The following RIC8B variants were observed in gnomAD, a reference collection of about 807,000 sequenced individuals.
RIC8B encodes RIC8 guanine nucleotide exchange factor B.
RIC8B carries 16 observed loss-of-function variants against 57.5 expected under a neutral mutation model. The observed-to-expected ratio is 0.28, with a 90% CI of 0.19 to 0.42. The LOEUF is 0.42. Ranked by LOEUF, RIC8B falls within the 10% of genes least tolerant of loss-of-function variation. RIC8B has a pLI of 1.00. For missense variants in RIC8B, 481 were observed against 677.0 expected (o/e 0.71, Z 3.21); for synonymous variants, 216 against 250.8 (o/e 0.86, Z 1.31).
chr12:106,831,547 G>A (rs1339392612), intron 4 of RIC8B, among the ~76,000 whole-genome samples: 1 of 152,130 alleles, frequency 6.6e-6, no homozygotes, highest in African/African-American at 2.4e-5. Flanking sequence ...GGGGTGGCCT[G>A]GCAACATGGT....
At chr12:106,795,867 G>A (rs924870128) in intron 2 of RIC8B, among the ~76,000 whole-genome samples, 1 of 152,114 alleles carries the variant, frequency 6.6e-6, no homozygotes, top group Non-Finnish European at 1.5e-5. Flanking sequence ...GAATGTTTCT[G>A]TATCTCACTG....
intron 1 of RIC8B, among the ~76,000 whole-genome samples, chr12:106,783,791 C>A (rs1301597019): frequency 6.6e-6 from 1 of 152,140 alleles, no homozygotes; most frequent in Non-Finnish European, 1.5e-5. Flanking sequence ...TTGCTGTGCT[C>A]CTTTGTATAT....
At position 106,875,845 on chromosome 12, in the gene RIC8B, A is replaced by G. The variant is rs191660474; in HGVS notation, c.1571+4903A>G. Reference sequence around the variant, plus strand: ...GGAACATGACTTTTATAATAAATGCAGGCACCAGATATAGGATTAGTTCCC... The same window carrying G: ...GGAACATGACTTTTATAATAAATGCGGGCACCAGATATAGGATTAGTTCCC... On this transcript the variant is annotated intron_variant, in intron 9 of 9. Coordinates refer to ENST00000392837, the MANE Select transcript of RIC8B (RefSeq NM_001330145.2). Among the ~76,000 whole-genome samples, 549 of 152,278 alleles carry G rather than the reference A, an allele frequency of 3.6e-3. 4 individuals are homozygous for G. The highest frequency in any genetic ancestry group is 5.8e-3 in the Non-Finnish European group (396 of 68,012).
At chr12:106,859,906 C>T (rs1027676462) in intron 7 of RIC8B, among the ~76,000 whole-genome samples, 7 of 152,132 alleles carry the variant, frequency 4.6e-5, no homozygotes, top group African/African-American at 1.4e-4. Context: ...GACTTTCACT[C>T]TCTCTAGTTT....
chr12:106,842,858 A>G (rs1275119231), intron 5 of RIC8B, 41 bp downstream of exon 5: 3 of 1,269,424 alleles, frequency 2.4e-6, no homozygotes, highest in African/African-American at 1.5e-5. Flanking sequence ...GATGCTTCCA[A>G]AGAATGTAAA....
chr12:106,813,080 A>G (rs778890812), intron 2 of RIC8B, among the ~76,000 whole-genome samples: 6 of 152,192 alleles, frequency 3.9e-5, no homozygotes, highest in Admixed American at 2.0e-4. Flanking sequence ...TCCTTAAATA[A>G]TAAAACGATT....
intron 1 of RIC8B, among the ~76,000 whole-genome samples, chr12:106,778,061 G>A (rs1246460603): frequency 6.6e-6 from 1 of 152,184 alleles, no homozygotes; most frequent in Non-Finnish European, 1.5e-5. Flanking sequence ...AGTTACATGT[G>A]TAAAGCACAC....
intron 2 of RIC8B, among the ~76,000 whole-genome samples, chr12:106,795,912 G>A (rs900031231): frequency 2.0e-5 from 3 of 152,074 alleles, no homozygotes; most frequent in Non-Finnish European, 2.9e-5. Context: ...TTCTAATAAG[G>A]TATATATGCT....
intron 2 of RIC8B, among the ~76,000 whole-genome samples, chr12:106,802,534 ATTTTTT>A (rs34706345): frequency 3.9e-5 from 4 of 102,160 alleles, no homozygotes; most frequent in Non-Finnish European, 5.8e-5. Flanking sequence ...CAATATGAGA[ATTTTTT>A]TTTTTTTTTT....
At chr12:106,821,255 G>A (rs1440702556) in intron 3 of RIC8B, among the ~76,000 whole-genome samples, 1 of 152,180 alleles carries the variant, frequency 6.6e-6, no homozygotes, top group Non-Finnish European at 1.5e-5. Flanking sequence ...TTTAAGCTTT[G>A]TTAAGACTTC....
Position 106,879,159 on chromosome 12 carries a change from G to C in RIC8B, c.1572-6745G>C. 1 of 985,836 alleles carries C rather than the reference G, an allele frequency of 1.0e-6. No individual in the cohort carries two copies. The highest frequency in any genetic ancestry group is 1.2e-6 in the Non-Finnish European group (1 of 829,918). 61.1% of individuals were successfully genotyped at this position (985,836 alleles called of 1,614,324 possible). A position where few individuals can be genotyped will look rare whatever the true frequency, so the allele number is the denominator to read the frequency against. On this transcript the variant is annotated intron_variant, in intron 9 of 9. Coordinates refer to ENST00000392837, the MANE Select transcript of RIC8B (RefSeq NM_001330145.2). The surrounding 1 kb of genome is among the most constrained non-coding windows in gnomAD (Gnocchi z 4.9). ...GAAGGGACTCTTGGGAGATCTGCAA[G>C]TGGGAAACAAGAATGCATTTTACCA...
At chr12:106,780,173 C>A (rs902418397) in intron 1 of RIC8B, among the ~76,000 whole-genome samples, 4 of 152,070 alleles carry the variant, frequency 2.6e-5, no homozygotes, top group African/African-American at 9.7e-5. Context: ...TAATAGGGCC[C>A]AACCCCCTCG....
At chr12:106,840,368 G>A (rs1209401777) in intron 4 of RIC8B, among the ~76,000 whole-genome samples, 2 of 152,150 alleles carry the variant, frequency 1.3e-5, no homozygotes, top group Non-Finnish European at 2.9e-5. Flanking sequence ...AGGATGTCAT[G>A]TCTCAGTGAT....
intron 9 of RIC8B, among the ~76,000 whole-genome samples, chr12:106,880,542 A>G (rs1310079180): frequency 6.6e-6 from 1 of 152,120 alleles, no homozygotes; most frequent in Non-Finnish European, 1.5e-5. Flanking sequence ...AGGTCTTCTG[A>G]TGCCCCATAT....
At chr12:106,883,689 T>A (rs1372595155) in intron 9 of RIC8B, among the ~76,000 whole-genome samples, 1 of 147,792 alleles carries the variant, frequency 6.8e-6, no homozygotes, top group Non-Finnish European at 1.5e-5. Context: ...CAGCTGTCTG[T>A]CTCCTCCCCC....
intron 7 of RIC8B, among the ~76,000 whole-genome samples, chr12:106,859,637 G>A (rs2136513450): frequency 6.6e-6 from 1 of 152,114 alleles, no homozygotes; most frequent in Admixed American, 6.5e-5. Flanking sequence ...TCTTACCCAA[G>A]GTCAACCAAT....
intron 9 of RIC8B, among the ~76,000 whole-genome samples, chr12:106,880,762 T>C (rs891981991): frequency 6.6e-6 from 1 of 152,102 alleles, no homozygotes; most frequent in Non-Finnish European, 1.5e-5. Flanking sequence ...GTGTGCTGTG[T>C]TCTATACTAG....
At chr12:106,775,022 A>G in intron 1 of RIC8B, 193 bp downstream of exon 1, 1 of 564,762 alleles carries the variant, frequency 1.8e-6, no homozygotes, top group Non-Finnish European at 3.2e-6. Context: ...CACTACCCCC[A>G]CTGTAGCGCC....
intron 8 of RIC8B, among the ~76,000 whole-genome samples, chr12:106,861,041 A>T (rs1949910848): frequency 6.6e-6 from 1 of 152,052 alleles, no homozygotes. Context: ...ATTCTCTTTT[A>T]TCCCAAGATA....
Sources: allele counts gnomAD v4.1 joint callset (sites outside exome capture counted in the v4.1 genomes callset), GRCh38; gene constraint gnomAD v4.1.1; non-coding constraint Gnocchi (gnomAD v3.1); transcripts MANE v1.5; gene names NCBI Gene and HGNC (gene_info 2026-07-23, HGNC 2026-07-21).